The following CYTIP variants were observed in gnomAD, a reference collection of about 807,000 sequenced individuals.
CYTIP encodes the protein cytohesin 1 interacting protein.
A neutral mutation model predicts 43.8 loss-of-function variants in CYTIP; 26 were observed. The observed-to-expected ratio is 0.59, with a 90% confidence interval of 0.44 to 0.82. The LOEUF is 0.82. Among genes scored for constraint, CYTIP ranks in the 40% least tolerant of loss-of-function variants. CYTIP has a pLI of 0.00. For missense variants in CYTIP, 426 were observed against 443.1 expected (o/e 0.96, Z 0.35); for synonymous variants, 162 against 162.9 (o/e 0.99, Z 0.04).
At chr2:157,422,683 A>G (rs1003375403) in intron 6 of CYTIP, among the ~76,000 whole-genome samples, 7 of 151,770 alleles carry the variant, frequency 4.6e-5, no homozygotes, top group Non-Finnish European at 1.0e-4. Context: ...AAAAAAAAAA[A>G]AAAAGAAAAG....
In CYTIP at chr2:157,418,543, T is replaced by C. The variant is rs138775935; in HGVS notation, c.593A>G (p.Gln198Arg). The change falls in exon 7 of 8, where the codon CAG (glutamine) becomes CGG (arginine). Residue 198 changes from glutamine (Q) to arginine (R), a missense_variant. Physicochemically the swap from Gln to Arg is conservative, Grantham distance 43. Transcript: ENST00000264192. The part of the protein sequence containing the change: ...KWVEYRSLQL[Q>R]EHRLLHGDAA... ...TTTACCATGAAGCAGACGATGTTCC[T>C]GTAACTGCAGAGATCTGTACTCCAC... The C allele has an allele frequency of 1.2e-4, 197 of 1,596,918 alleles. No homozygotes were observed. Among genetic ancestry groups the C allele is most frequent in the Non-Finnish European group, 1.6e-4 (191 of 1,171,908 alleles).
In CYTIP at chr2:157,443,964, G is replaced by A. The variant is rs572387593; in HGVS notation, c.57C>T (p.Cys19=). The A allele has an allele frequency of 1.5e-5, 24 of 1,614,018 alleles. No individual in the cohort carries two copies. Among genetic ancestry groups the A allele is most frequent in the Middle Eastern group, 1.6e-4 (1 of 6,082 alleles). Residue 19 remains cysteine (C), a synonymous_variant, in exon 1 of 8, where the codon TGC becomes TGT. Transcript: ENST00000264192. ...HSSNGNLADF[C]AGPAYSSYST... Reference sequence around the variant, plus strand: ...AGTAAGAGCTATACGCTGGCCCAGCGCAGAAGTCCGCCAAATTGCCATTGC... The same window carrying A: ...AGTAAGAGCTATACGCTGGCCCAGCACAGAAGTCCGCCAAATTGCCATTGC...
At chr2:157,421,984 G>A (rs1431052939) in intron 6 of CYTIP, among the ~76,000 whole-genome samples, 2 of 152,234 alleles carry the variant, frequency 1.3e-5, no homozygotes, top group Non-Finnish European at 2.9e-5. Flanking sequence ...ACAGGTCTGA[G>A]ACAGGTTTTC....
At chr2:157,421,010 A>G (rs1192191029) in intron 6 of CYTIP, among the ~76,000 whole-genome samples, 2 of 152,224 alleles carry the variant, frequency 1.3e-5, no homozygotes, top group Non-Finnish European at 1.5e-5. Flanking sequence ...TGATTTGTTG[A>G]TTTGACCCAG....
intron 1 of CYTIP, among the ~76,000 whole-genome samples, chr2:157,442,566 T>A (rs968546841): frequency 1.5e-4 from 23 of 152,168 alleles, no homozygotes; most frequent in Admixed American, 7.9e-4. Flanking sequence ...CTGCTTTATA[T>A]CTGAAAACTG....
At chr2:157,434,329 C>T in intron 3 of CYTIP, 41 bp downstream of exon 3, 1 of 1,531,334 alleles carries the variant, frequency 6.5e-7, no homozygotes. Context: ...ACCGGTGCCA[C>T]TTTCTTCCTT....
intron 6 of CYTIP, among the ~76,000 whole-genome samples, chr2:157,420,039 T>A (rs1262688515): frequency 1.3e-5 from 2 of 152,228 alleles, no homozygotes; most frequent in Non-Finnish European, 2.9e-5. Flanking sequence ...AGACTAGCTT[T>A]AATACTGCTT....
intron 1 of CYTIP, among the ~76,000 whole-genome samples, chr2:157,442,681 A>G (rs1038813457): frequency 6.6e-6 from 1 of 152,226 alleles, no homozygotes; most frequent in African/African-American, 2.4e-5. Flanking sequence ...AGCACTTTAG[A>G]TTGAGAACAA....
chr2:157,420,642 C>A (rs1305307736), intron 6 of CYTIP, among the ~76,000 whole-genome samples: 1 of 116,536 alleles, frequency 8.6e-6, no homozygotes, highest in African/African-American at 3.3e-5. Flanking sequence ...TAGGGTAAGA[C>A]CCTGCCACAA....
At chr2:157,433,257 T>C (rs1459545466) in intron 3 of CYTIP, among the ~76,000 whole-genome samples, 1 of 152,170 alleles carries the variant, frequency 6.6e-6, no homozygotes, top group Admixed American at 6.5e-5. Context: ...ACTATGCTTC[T>C]AAAACCTATA....
intron 7 of CYTIP, among the ~76,000 whole-genome samples, chr2:157,418,119 C>T (rs1414523960): frequency 6.6e-6 from 1 of 152,220 alleles, no homozygotes; most frequent in East Asian, 1.9e-4. Context: ...GACAGGAGCT[C>T]TACCCAATAA....
chr2:157,422,439 G>A (rs1314974829), intron 6 of CYTIP, among the ~76,000 whole-genome samples: 1 of 152,144 alleles, frequency 6.6e-6, no homozygotes, highest in Non-Finnish European at 1.5e-5. Flanking sequence ...AGGCCTAAGC[G>A]AGCGGATCAC....
chr2:157,425,962 G>A (rs992106758), intron 6 of CYTIP, among the ~76,000 whole-genome samples: 4 of 151,806 alleles, frequency 2.6e-5, no homozygotes, highest in Non-Finnish European at 5.9e-5. Context: ...TTCAATAATT[G>A]AGCTAAAGGG....
At chr2:157,441,880 A>G (rs181152607) in intron 1 of CYTIP, among the ~76,000 whole-genome samples, 13 of 152,274 alleles carry the variant, frequency 8.5e-5, no homozygotes, top group African/African-American at 3.1e-4. Flanking sequence ...CTAATCCACT[A>G]CATTTCTACA....
intron 6 of CYTIP, among the ~76,000 whole-genome samples, chr2:157,424,838 A>G (rs912004932): frequency 6.6e-6 from 1 of 152,212 alleles, no homozygotes; most frequent in African/African-American, 2.4e-5. Flanking sequence ...AGTTTGGGAT[A>G]AACAAATTGA....
intron 6 of CYTIP, among the ~76,000 whole-genome samples, chr2:157,425,421 T>A (rs1334272451): frequency 4.6e-5 from 7 of 152,160 alleles, no homozygotes; most frequent in Non-Finnish European, 8.8e-5. Flanking sequence ...AACAAAAATC[T>A]GTATTTTGTA....
chr2:157,418,184 G>A (rs576986936), intron 7 of CYTIP, among the ~76,000 whole-genome samples: 10 of 152,278 alleles, frequency 6.6e-5, no homozygotes, highest in Non-Finnish European at 1.3e-4. Flanking sequence ...CCCCTTAGCC[G>A]TGATTGTTTT....
intron 1 of CYTIP, among the ~76,000 whole-genome samples, chr2:157,438,384 G>T (rs1573862959): frequency 6.6e-6 from 1 of 152,184 alleles, no homozygotes; most frequent in Non-Finnish European, 1.5e-5. Flanking sequence ...AGGGTTGGGG[G>T]AAGAAATGGA....
rs35513959 is a variant in CYTIP, at chr2:157,441,603, TACACACACACACAC to T, written c.174+2230_174+2243del. 4.6e-3 allele frequency among the ~76,000 whole-genome samples: 683 copies of T among 148,626 alleles called. 22 individuals carry two copies. In the East Asian group the frequency reaches 0.076, roughly 17 times the overall value. ...ATATGTGTACATGTATATATGCACA[TACACACACACACAC>T]ACACACACACACACACACACACGTG... On this transcript the variant is annotated intron_variant, in intron 1 of 7. Transcript: ENST00000264192.
Sources: gnomAD v4.1 joint callset for allele counts (sites outside exome capture counted in the v4.1 genomes callset) on GRCh38, gnomAD v4.1.1 for gene constraint, MANE v1.5 for transcripts, NCBI Gene and HGNC (gene_info 2026-07-23, HGNC 2026-07-21) for gene names.